GRID2: variants seen among roughly 807,000 people sequenced by gnomAD.
The protein encoded by GRID2 is glutamate receptor ionotropic, delta-2.
Under a neutral mutation model 114.8 loss-of-function variants are expected in GRID2, and 33 were observed. The ratio of observed to expected loss-of-function variants is 0.29; its 90% CI spans 0.22 to 0.38. The LOEUF (loss-of-function observed/expected upper bound fraction) is 0.38. Among genes scored for constraint, GRID2 ranks in the 10% least tolerant of loss-of-function variants. The probability of loss-of-function intolerance (pLI) is 1.00; values close to 1 mark genes in which losing one functional copy is unlikely to be tolerated. For synonymous variants in GRID2, 505 were observed against 449.9 expected (o/e 1.12, Z -1.55); for missense variants, 1,184 against 1,257.7 (o/e 0.94, Z 0.89).
chr4:93,483,859 GACCTTTGCAC>G (rs1450228424), intron 11 of GRID2, among the ~76,000 whole-genome samples: 1 of 151,764 alleles, frequency 6.6e-6, no homozygotes, highest in East Asian at 2.0e-4. Flanking sequence ...TTCAGAGTCA[GACCTTTGCAC>G]ACTCTGAAGT....
At chr4:93,787,491 C>G (rs763848366) in intron 1 of GRID2, among the ~76,000 whole-genome samples, 1 of 152,096 alleles carries the variant, frequency 6.6e-6, no homozygotes, top group Non-Finnish European at 1.5e-5. Flanking sequence ...ATATGAGGTC[C>G]ACTCTAACCA....
At chr4:92,627,271 G>A (rs1239657683) in intron 2 of GRID2, among the ~76,000 whole-genome samples, 1 of 151,960 alleles carries the variant, frequency 6.6e-6, no homozygotes, top group Admixed American at 6.6e-5. Context: ...GAAGCTAAGG[G>A]TCCAATTTCA....
intron 11 of GRID2, among the ~76,000 whole-genome samples, chr4:93,471,081 G>T (rs4693323): frequency 6.6e-6 from 1 of 151,722 alleles, no homozygotes; most frequent in African/African-American, 2.4e-5. Flanking sequence ...AAGCCTAGTG[G>T]AATAAAGATA....
At chr4:93,674,626 T>A (rs943936518) in intron 14 of GRID2, among the ~76,000 whole-genome samples, 2 of 152,010 alleles carry the variant, frequency 1.3e-5, no homozygotes, top group Non-Finnish European at 2.9e-5. Flanking sequence ...TTTTTTTTTT[T>A]ATTTCTTTAA....
At chr4:93,372,113 G>A (rs146058425) in intron 8 of GRID2, among the ~76,000 whole-genome samples, 64 of 152,162 alleles carry the variant, frequency 4.2e-4, no homozygotes, top group Admixed American at 1.8e-3. Flanking sequence ...TGTAAGAATA[G>A]CCTCTGCTTC....
At chr4:92,951,824 C>T (rs1233003063) in intron 2 of GRID2, among the ~76,000 whole-genome samples, 1 of 152,082 alleles carries the variant, frequency 6.6e-6, no homozygotes, top group Non-Finnish European at 1.5e-5. Flanking sequence ...TTGTATTGCA[C>T]CTTTCTTCAA....
At chr4:92,927,692 C>G (rs1267833615) in intron 2 of GRID2, among the ~76,000 whole-genome samples, 1 of 151,678 alleles carries the variant, frequency 6.6e-6, no homozygotes, top group Non-Finnish European at 1.5e-5. Context: ...ACAGAGCCAT[C>G]AAGAGTTGTC....
At chr4:93,630,604 C>T (rs1288733613) in intron 14 of GRID2, among the ~76,000 whole-genome samples, 1 of 152,108 alleles carries the variant, frequency 6.6e-6, no homozygotes, top group East Asian at 1.9e-4. Flanking sequence ...TATAGAACTA[C>T]CCAAAGTCAC....
intron 13 of GRID2, among the ~76,000 whole-genome samples, chr4:93,607,040 C>T (rs760769531): frequency 5.3e-5 from 8 of 152,038 alleles, no homozygotes; most frequent in Non-Finnish European, 1.2e-4. Context: ...TATTTACACA[C>T]ATGTAATTTT....
In GRID2 at chr4:92,626,916, C is replaced by A. The variant is rs75781204; in HGVS notation, c.244+36630C>A. ...CATTAATAAAAGCAAAATACATTCA[C>A]AAACAACCAGCCAGAATCAGGAGAA... On this transcript the variant is annotated intron_variant, in intron 2 of 15. Transcript: ENST00000282020. 8.6e-3 allele frequency among the ~76,000 whole-genome samples: 1,304 copies of A among 152,102 alleles called. 16 individuals carry two copies. The highest frequency in any genetic ancestry group is 0.066 in the East Asian group (339 of 5,154).
intron 1 of GRID2, among the ~76,000 whole-genome samples, chr4:92,581,121 A>G (rs1728164466): frequency 6.6e-6 from 1 of 151,688 alleles, no homozygotes; most frequent in South Asian, 2.1e-4. Context: ...ATGTAAACTA[A>G]TTTAGAGTTA....
chr4:93,772,338 G>A lies in GRID2; in HGVS notation c.2864G>A (p.Gly955Asp), dbSNP rs1560995030. 3.7e-6 allele frequency: 6 copies of A among 1,614,050 alleles called. No homozygotes were observed. Among genetic ancestry groups the A allele is most frequent in the Non-Finnish European group, 5.1e-6 (6 of 1,179,996 alleles). Reference protein sequence around the residue: ...SAKAASGFTFGNVPEHRTGPF... With the variant: ...SAKAASGFTFDNVPEHRTGPF... ...AAAGCTGCTTCTGGTTTCACTTTTG[G>A]CAACGTGCCTGAGCACCGAACTGGC... Residue 955 changes from glycine to aspartate, a missense_variant, in exon 16 of 16, where the codon GGC becomes GAC. By Grantham distance (94) the Gly-to-Asp change is moderately conservative. Transcript: ENST00000282020.
chr4:93,078,804 A>G (rs1301215014), intron 2 of GRID2, among the ~76,000 whole-genome samples: 1 of 146,904 alleles, frequency 6.8e-6, no homozygotes, highest in Non-Finnish European at 1.5e-5. Context: ...AATTATATTT[A>G]TGTACTATAT....
At chr4:92,477,141 TA>T (rs1174172555) in intron 1 of GRID2, among the ~76,000 whole-genome samples, 2 of 151,246 alleles carry the variant, frequency 1.3e-5, no homozygotes, top group Non-Finnish European at 2.9e-5. Flanking sequence ...TTAAATCTTT[TA>T]AGAATGGAAG....
chr4:93,031,184 T>C (rs1023949120), intron 2 of GRID2, among the ~76,000 whole-genome samples: 1 of 151,918 alleles, frequency 6.6e-6, no homozygotes, highest in African/African-American at 2.4e-5. Context: ...TAGCTGGGAC[T>C]ATAGGCACCT....
Position 92,746,303 on chromosome 4 carries a change from C to A in GRID2, c.244+156017C>A, listed in dbSNP as rs534831807. 2.6e-5 allele frequency among the ~76,000 whole-genome samples: 4 copies of A among 152,178 alleles called. No individual in the cohort carries two copies. The South Asian group carries it at 8.3e-4, about 32-fold the overall frequency. On this transcript the variant is annotated intron_variant, in intron 2 of 15. Transcript: ENST00000282020. ...GGAATTTATGTCACACTACACATAG[C>A]ATATAACTTTTAAAATATATTTATT...
intron 2 of GRID2, among the ~76,000 whole-genome samples, chr4:92,613,079 C>A (rs1442493909): frequency 6.6e-6 from 1 of 151,264 alleles, no homozygotes; most frequent in Non-Finnish European, 1.5e-5. Flanking sequence ...TGCTATTTAT[C>A]ATGTTGAAGA....
At chr4:93,668,999 G>T (rs1724178828) in intron 14 of GRID2, among the ~76,000 whole-genome samples, 1 of 152,002 alleles carries the variant, frequency 6.6e-6, no homozygotes, top group African/African-American at 2.4e-5. Context: ...TTTATAGTAG[G>T]TACAAAATAG....
At chr4:93,725,486 T>G (rs548336673) in intron 14 of GRID2, among the ~76,000 whole-genome samples, 56 of 152,232 alleles carry the variant, frequency 3.7e-4, no homozygotes, top group Non-Finnish European at 6.8e-4. Context: ...TATAATCCTT[T>G]GGGTATATAC....
Sources: allele counts gnomAD v4.1 joint callset (sites outside exome capture counted in the v4.1 genomes callset), GRCh38; gene constraint gnomAD v4.1.1; transcripts MANE v1.5; gene names NCBI Gene and HGNC (gene_info 2026-07-23, HGNC 2026-07-21).